MAGI3: variants seen among roughly 807,000 people sequenced by gnomAD.
The protein encoded by MAGI3 is membrane-associated guanylate kinase, WW and PDZ domain-containing protein 3.
A neutral mutation model predicts 121.8 loss-of-function variants in MAGI3; 43 were observed. That is an observed-to-expected ratio of 0.35 (90% CI 0.28 to 0.46). The LOEUF is 0.46. Ranked by LOEUF, MAGI3 falls within the 20% of genes least tolerant of loss-of-function variation. The pLI is 1.00. For synonymous variants in MAGI3, 553 were observed against 639.3 expected, an observed-to-expected ratio of 0.86 and a Z score of 2.04; for missense variants, 1,547 against 1,797.3, an observed-to-expected ratio of 0.86 and a Z score of 2.52.
intron 5 of MAGI3, among the ~76,000 whole-genome samples, chr1:113,593,572 T>A (rs373275405): frequency 6.6e-6 from 1 of 152,190 alleles, no homozygotes; most frequent in African/African-American, 2.4e-5. Flanking sequence ...TAACAATAAC[T>A]TTAATTTACA....
At chr1:113,395,093 T>TTTTG (rs1651030823) in intron 1 of MAGI3, among the ~76,000 whole-genome samples, 2 of 98,434 alleles carry the variant, frequency 2.0e-5, no homozygotes, top group Non-Finnish European at 4.4e-5. Flanking sequence ...GTTAGTTTTT[T>TTTTG]TTTTTTTTTT....
intron 19 of MAGI3, among the ~76,000 whole-genome samples, chr1:113,679,317 G>A (rs1172253145): frequency 6.6e-6 from 1 of 152,002 alleles, no homozygotes; most frequent in Non-Finnish European, 1.5e-5. Context: ...TGTGTACTCA[G>A]TGTTTAGCTC....
intron 1 of MAGI3, among the ~76,000 whole-genome samples, chr1:113,534,230 G>A (rs1658861293): frequency 6.6e-6 from 1 of 152,136 alleles, no homozygotes; most frequent in Non-Finnish European, 1.5e-5. Flanking sequence ...CAACTGTTCT[G>A]CTTTTCCCAT....
intron 1 of MAGI3, among the ~76,000 whole-genome samples, chr1:113,530,819 G>A (rs1658678898): frequency 6.6e-6 from 1 of 152,216 alleles, no homozygotes; most frequent in African/African-American, 2.4e-5. Context: ...GCGAAGCTGA[G>A]GTGGGAGGAT....
At position 113,673,471 on chromosome 1, in the gene MAGI3, T is replaced by A; in HGVS notation, c.3189+6T>A. The A allele has an allele frequency of 6.2e-7, 1 of 1,612,220 alleles. No individual in the cohort carries two copies. Among genetic ancestry groups the A allele is most frequent in the Non-Finnish European group, 8.5e-7 (1 of 1,179,752 alleles). On this transcript the variant is annotated splice_donor_region_variant and intron_variant, in intron 19 of 20. Transcript: ENST00000307546. ...TCAAAGATGGCAGAATTCATGTGAG[T>A]TGGTTTCTGTCTGTAACCTTAGGTT...
At chr1:113,556,787 A>G (rs2101680798) in intron 2 of MAGI3, among the ~76,000 whole-genome samples, 1 of 152,052 alleles carries the variant, frequency 6.6e-6, no homozygotes, top group African/African-American at 2.4e-5. Context: ...GCTGGTCTCA[A>G]ACTCTTGAGC....
chr1:113,525,353 AG>A (rs1482909231), intron 1 of MAGI3, among the ~76,000 whole-genome samples: 1 of 152,150 alleles, frequency 6.6e-6, no homozygotes, highest in Non-Finnish European at 1.5e-5. Flanking sequence ...AATTTAGACC[AG>A]TCTTCCTTCC....
chr1:113,617,864 G>A (rs567675875), intron 7 of MAGI3, among the ~76,000 whole-genome samples: 3 of 152,096 alleles, frequency 2.0e-5, no homozygotes, highest in East Asian at 1.9e-4. Context: ...TGTATCCCCC[G>A]CATATTATGA....
At chr1:113,669,564 C>G (rs566738599) in intron 16 of MAGI3, among the ~76,000 whole-genome samples, 2 of 152,288 alleles carry the variant, frequency 1.3e-5, no homozygotes, top group East Asian at 1.9e-4. Context: ...GAGTCTTGCT[C>G]TGTCGCCCAG....
At chr1:113,459,675 C>T (rs1168456115) in intron 1 of MAGI3, among the ~76,000 whole-genome samples, 1 of 152,052 alleles carries the variant, frequency 6.6e-6, no homozygotes, top group African/African-American at 2.4e-5. Context: ...TTCTCTTTGC[C>T]ATTATGGGTA....
chr1:113,427,876 A>ACT, intron 1 of MAGI3, among the ~76,000 whole-genome samples: 1 of 152,200 alleles, frequency 6.6e-6, no homozygotes, highest in South Asian at 2.1e-4. Flanking sequence ...AAAATGAATC[A>ACT]AAATTGGCTC....
chr1:113,394,647 A>G (rs1456101113), intron 1 of MAGI3, among the ~76,000 whole-genome samples: 1 of 152,178 alleles, frequency 6.6e-6, no homozygotes. Flanking sequence ...ATGCTTCTTC[A>G]TACACCTTTA....
intron 9 of MAGI3, among the ~76,000 whole-genome samples, chr1:113,636,449 A>G (rs1452535153): frequency 3.3e-5 from 5 of 152,174 alleles, no homozygotes; most frequent in Non-Finnish European, 7.3e-5. Context: ...GTTGGTTTCA[A>G]AGAACATCTT....
chr1:113,490,962 T>G (rs906267942), intron 1 of MAGI3, among the ~76,000 whole-genome samples: 2 of 152,064 alleles, frequency 1.3e-5, no homozygotes, highest in African/African-American at 4.8e-5. Context: ...CTGACAATGT[T>G]AGATAATTGA....
In MAGI3 at chr1:113,683,553, G is replaced by C. The variant is rs1648351068; in HGVS notation, c.3985G>C (p.Asp1329His). ...GGGCAGTAATGCTGAGCAGATCCCA[G>C]ATGGGAAGGAAAAATCAGACGTCAT... ...YTGSNAEQIPDGKEKSDVIRK... is the reference protein window; with the variant it reads ...YTGSNAEQIPHGKEKSDVIRK... Residue 1329 changes from aspartate to histidine, a missense_variant, in exon 21 of 21, where the codon GAT becomes CAT. Coordinates refer to ENST00000307546, the MANE Select transcript of MAGI3 (RefSeq NM_001142782.2). 6.2e-7 allele frequency: 1 copy of C among 1,613,826 alleles called. No individual in the cohort carries two copies. Among genetic ancestry groups the C allele is most frequent in the Non-Finnish European group, 8.5e-7 (1 of 1,179,914 alleles).
intron 1 of MAGI3, among the ~76,000 whole-genome samples, chr1:113,519,480 A>ATCTGATATGGCATACTGTG (rs1553194806): frequency 4.6e-5 from 7 of 152,218 alleles, no homozygotes; most frequent in Admixed American, 2.0e-4. Context: ...TGAGACTATT[A>ATCTGATATGGCATACTGTG]TCTGATATGG....
Position 113,685,531 on chromosome 1 carries a change from C to A in MAGI3, c.*1517C>A, listed in dbSNP as rs1028523225. On this transcript the variant is annotated 3_prime_UTR_variant, in exon 21 of 21. Transcript: ENST00000307546. ...CTTCCCAGAGTGAGATTTTTGAAAT[C>A]CCCTTTTCATCCAGAACTATATTTA... 1 of 152,308 alleles carries A rather than the reference C, an allele frequency of 6.6e-6. No homozygotes were observed. The highest frequency in any genetic ancestry group is 1.5e-5 in the Non-Finnish European group (1 of 68,032). The allele number at this position is 152,308 out of a possible 1,614,324, so 9.4% of individuals were successfully genotyped here.
At chr1:113,535,211 T>G (rs1343898898) in intron 1 of MAGI3, among the ~76,000 whole-genome samples, 1 of 152,162 alleles carries the variant, frequency 6.6e-6, no homozygotes, top group Non-Finnish European at 1.5e-5. Flanking sequence ...AGATTATATT[T>G]GCTCTAATTC....
At chr1:113,674,707 TC>T (rs1401629033) in intron 19 of MAGI3, among the ~76,000 whole-genome samples, 4 of 152,302 alleles carry the variant, frequency 2.6e-5, no homozygotes, top group South Asian at 4.1e-4. Flanking sequence ...TTCATTTCAC[TC>T]CCATTAGTCA....
Sources: allele counts gnomAD v4.1 joint callset (sites outside exome capture counted in the v4.1 genomes callset), GRCh38; gene constraint gnomAD v4.1.1; transcripts MANE v1.5; gene names NCBI Gene and HGNC (gene_info 2026-07-23, HGNC 2026-07-21).